Variants in TNNI3K observed in about 807,000 individuals in gnomAD.
TNNI3K encodes the protein TNNI3 interacting kinase, also known as serine/threonine-protein kinase TNNI3K.
Under a neutral mutation model 114.5 loss-of-function variants are expected in TNNI3K, and 140 were observed. The ratio of observed to expected loss-of-function variants is 1.22; its 90% confidence interval spans 1.07 to 1.41. TNNI3K has a LOEUF of 1.41. TNNI3K is among the 40% of genes most tolerant of loss of function. TNNI3K has a pLI of 0.00. For synonymous variants in TNNI3K, 347 were observed against 347.5 expected (o/e 1.00, Z 0.02); for missense variants, 1,125 against 1,007.6 (o/e 1.12, Z -1.58).
chr1:74,399,641 G>A (rs1664263675), intron 17 of TNNI3K, among the ~76,000 whole-genome samples: 1 of 152,174 alleles, frequency 6.6e-6, no homozygotes, highest in Non-Finnish European at 1.5e-5. Context: ...CCAGATGGAA[G>A]GGAAAAGGAT....
chr1:74,282,654 T>C (rs1657085995), intron 5 of TNNI3K, among the ~76,000 whole-genome samples: 1 of 152,206 alleles, frequency 6.6e-6, no homozygotes, highest in Non-Finnish European at 1.5e-5. Context: ...CCATAGCAAT[T>C]ATCCTTGTCA....
At chr1:74,384,993 T>C (rs548245666) in intron 17 of TNNI3K, among the ~76,000 whole-genome samples, 2 of 152,140 alleles carry the variant, frequency 1.3e-5, no homozygotes, top group Non-Finnish European at 2.9e-5. Context: ...AAAACTTATT[T>C]TAATTTATCT....
intron 5 of TNNI3K, among the ~76,000 whole-genome samples, chr1:74,325,332 A>G (rs774448177): frequency 6.6e-6 from 1 of 152,016 alleles, no homozygotes; most frequent in Non-Finnish European, 1.5e-5. Context: ...CCTTTCATCC[A>G]TCGCTCAGCC....
intron 17 of TNNI3K, among the ~76,000 whole-genome samples, chr1:74,405,098 G>T (rs527421625): frequency 3.3e-5 from 5 of 152,288 alleles, no homozygotes; most frequent in African/African-American, 1.2e-4. Flanking sequence ...GAAACACAGA[G>T]ATGAGAGCTC....
intron 17 of TNNI3K, chr1:74,416,365 G>A (rs1447026782): frequency 7.1e-6 from 7 of 984,338 alleles, no homozygotes; most frequent in Non-Finnish European, 8.4e-6. Context: ...GTAACGAGCA[G>A]AGCTGAAGAA....
At chr1:74,490,879 G>T (rs1326220428) in intron 22 of TNNI3K, among the ~76,000 whole-genome samples, 1 of 152,166 alleles carries the variant, frequency 6.6e-6, no homozygotes, top group African/African-American at 2.4e-5. Context: ...ATGTCCTGCA[G>T]CAGAGCCAAA....
chr1:74,464,742 A>T, intron 21 of TNNI3K: 3 of 1,572,922 alleles, frequency 1.9e-6, no homozygotes, highest in Non-Finnish European at 2.6e-6. Context: ...TCAGAAGATA[A>T]CCTCTTATCC....
Position 74,472,054 on chromosome 1 carries a change from T to A in TNNI3K, c.2121+8504T>A, listed in dbSNP as rs770407500. The A allele has an allele frequency of 7.0e-6, 5 of 712,454 alleles. No homozygotes were observed. The East Asian group carries it at 8.1e-5, about 11-fold the overall frequency. The allele number at this position is 712,454 out of a possible 1,614,324, so 44.1% of individuals were successfully genotyped here. On this transcript the variant is annotated intron_variant, in intron 21 of 24. Coordinates refer to ENST00000326637, the MANE Select transcript of TNNI3K (RefSeq NM_015978.3). ...CTTGGATGATGAGCTTGTAATAAAA[T>A]GTCTTTGCCTATGAGGGTGTAAGCC... is the stretch of plus-strand genomic sequence containing the variant.
At chr1:74,423,780 C>T (rs1468860466) in intron 17 of TNNI3K, among the ~76,000 whole-genome samples, 2 of 152,118 alleles carry the variant, frequency 1.3e-5, no homozygotes, top group African/African-American at 2.4e-5. Context: ...CATGCTTCAG[C>T]TTATCTCCTC....
chr1:74,520,020 T>A (rs1570734693), intron 23 of TNNI3K, among the ~76,000 whole-genome samples: 1 of 152,178 alleles, frequency 6.6e-6, no homozygotes, highest in South Asian at 2.1e-4. Flanking sequence ...TTTATTTCCA[T>A]AAGTTTTTGG....
Position 74,450,244 on chromosome 1 carries a change from G to A in TNNI3K, c.2011+10622G>A, listed in dbSNP as rs274594. 7.2e-3 allele frequency among the ~76,000 whole-genome samples: 1,095 copies of A among 151,400 alleles called. 9 individuals are homozygous for A. The highest frequency in any genetic ancestry group is 0.025 in the African/African-American group (1,016 of 41,216). ...CACGACATACCAGAATCTCTGGGAC[G>A]CATTCAAAGCAGTGTGTAGAGGGAA... On this transcript the variant is annotated intron_variant, in intron 20 of 24. Coordinates refer to ENST00000326637, the MANE Select transcript of TNNI3K (RefSeq NM_015978.3).
intron 5 of TNNI3K, among the ~76,000 whole-genome samples, chr1:74,288,541 C>G (rs573845119): frequency 1.3e-5 from 2 of 152,124 alleles, no homozygotes; most frequent in Admixed American, 1.3e-4. Context: ...GCTTCATGAT[C>G]TCACTTACAT....
intron 17 of TNNI3K, among the ~76,000 whole-genome samples, chr1:74,430,657 G>A (rs1054445584): frequency 6.6e-6 from 1 of 152,082 alleles, no homozygotes; most frequent in African/African-American, 2.4e-5. Flanking sequence ...TTATTGTGGA[G>A]TAATCTGTGA....
chr1:74,328,223 A>G (rs1040680824), intron 5 of TNNI3K, among the ~76,000 whole-genome samples: 3 of 152,140 alleles, frequency 2.0e-5, no homozygotes, highest in Non-Finnish European at 4.4e-5. Flanking sequence ...CCTATTACCT[A>G]CCTACCATAG....
At chr1:74,249,872 T>C (rs996907832) in intron 3 of TNNI3K, among the ~76,000 whole-genome samples, 1 of 152,104 alleles carries the variant, frequency 6.6e-6, no homozygotes, top group African/African-American at 2.4e-5. Flanking sequence ...CCCCAAAATA[T>C]CATCAAGCAG....
At chr1:74,499,684 C>T (rs906417037) in intron 23 of TNNI3K, among the ~76,000 whole-genome samples, 2 of 151,770 alleles carry the variant, frequency 1.3e-5, no homozygotes, top group African/African-American at 2.4e-5. Flanking sequence ...GTATTTCCCA[C>T]CAAAAAAATG....
At chr1:74,244,901 C>A (rs1654460204) in intron 2 of TNNI3K, among the ~76,000 whole-genome samples, 1 of 151,944 alleles carries the variant, frequency 6.6e-6, no homozygotes, top group African/African-American at 2.4e-5. Flanking sequence ...ATTTTTCATT[C>A]TTTGAGTCTC....
chr1:74,503,548 C>A (rs890741342), intron 23 of TNNI3K, among the ~76,000 whole-genome samples: 7 of 152,064 alleles, frequency 4.6e-5, no homozygotes, highest in African/African-American at 1.7e-4. Context: ...ATGAGGAGAA[C>A]AAGATGTTGC....
At chr1:74,355,493 A>G (rs1017585088) in intron 11 of TNNI3K, among the ~76,000 whole-genome samples, 1 of 152,006 alleles carries the variant, frequency 6.6e-6, no homozygotes, top group African/African-American at 2.4e-5. Context: ...AATCTCAGCT[A>G]CTCGGGAGGC....
Sources: allele counts gnomAD v4.1 joint callset (sites outside exome capture counted in the v4.1 genomes callset), GRCh38; gene constraint gnomAD v4.1.1; transcripts MANE v1.5; gene names NCBI Gene and HGNC (gene_info 2026-07-23, HGNC 2026-07-21).